The following ASTN2 variants were observed in gnomAD, a reference collection of about 807,000 sequenced individuals.
The protein encoded by ASTN2 is astrotactin-2.
Under a neutral mutation model 139.8 loss-of-function variants are expected in ASTN2, and 54 were observed. The ratio of observed to expected loss-of-function variants is 0.39; its 90% confidence interval spans 0.31 to 0.48. The LOEUF (loss-of-function observed/expected upper bound fraction) is 0.48. ASTN2 is among the 20% of genes least tolerant of loss of function. The probability of loss-of-function intolerance (pLI) is 0.95; values close to 1 mark genes in which losing one functional copy is unlikely to be tolerated. For synonymous variants in ASTN2, 756 were observed against 719.5 expected, an observed-to-expected ratio of 1.05 and a Z score of -0.81; for missense variants, 1,565 against 1,725.1, an observed-to-expected ratio of 0.91 and a Z score of 1.64.
At chr9:116,840,778 T>C (rs2132304073) in intron 11 of ASTN2, among the ~76,000 whole-genome samples, 2 of 143,326 alleles carry the variant, frequency 1.4e-5, no homozygotes, top group East Asian at 4.3e-4. Flanking sequence ...TCTCAGACGA[T>C]GGGCGGCAGG....
chr9:116,944,395 T>G (rs1835323066), intron 10 of ASTN2, among the ~76,000 whole-genome samples: 1 of 151,978 alleles, frequency 6.6e-6, no homozygotes, highest in Admixed American at 6.6e-5. Context: ...TAAAAGCAGA[T>G]GCAGGCCAGG....
At chr9:116,610,610 C>CA (rs919317195) in intron 19 of ASTN2, among the ~76,000 whole-genome samples, 38 of 149,146 alleles carry the variant, frequency 2.5e-4, no homozygotes, top group Non-Finnish European at 5.4e-4. Context: ...CCTCAAAAAA[C>CA]AAAAAAAAAG....
At chr9:117,024,029 T>C (rs144942266) in intron 6 of ASTN2, among the ~76,000 whole-genome samples, 4 of 152,074 alleles carry the variant, frequency 2.6e-5, no homozygotes, top group Non-Finnish European at 5.9e-5. Context: ...GCAGGTCAAC[T>C]AGGGAGAGAG....
chr9:116,714,512 C>A (rs1236541926), intron 16 of ASTN2, among the ~76,000 whole-genome samples: 2 of 152,178 alleles, frequency 1.3e-5, no homozygotes, highest in Non-Finnish European at 1.5e-5. Flanking sequence ...GCAGTAATCA[C>A]TTTACAAACA....
chr9:116,784,654 G>A (rs528935260), intron 13 of ASTN2, among the ~76,000 whole-genome samples: 2 of 152,196 alleles, frequency 1.3e-5, no homozygotes, highest in African/African-American at 4.8e-5. Flanking sequence ...GAGAGGCTGT[G>A]TTGGGGGGCT....
In ASTN2 at chr9:116,698,125, A is replaced by G; in HGVS notation, c.2806+27646T>C. The G allele has an allele frequency of 1.2e-6, 2 of 1,614,122 alleles. No homozygotes were observed. The highest frequency in any genetic ancestry group is 1.7e-6 in the Non-Finnish European group (2 of 1,180,044). On this transcript the variant is annotated intron_variant, in intron 16 of 22. Transcript: ENST00000313400. The surrounding 1 kb of genome is among the most constrained non-coding windows in gnomAD (Gnocchi z 4.4). Reference sequence around the variant, plus strand: ...TGTGAGCCCTGCCGGGAGGCAGACCATCAGCCTCCTGGCCACTGTACACTC... The same window carrying G: ...TGTGAGCCCTGCCGGGAGGCAGACCGTCAGCCTCCTGGCCACTGTACACTC...
chr9:116,825,863 G>C (rs1831609209), intron 11 of ASTN2, among the ~76,000 whole-genome samples: 1 of 152,224 alleles, frequency 6.6e-6, no homozygotes, highest in African/African-American at 2.4e-5. Context: ...AGTAGACACA[G>C]CTGGGCACTA....
At chr9:116,965,083 A>C (rs1835977714) in intron 10 of ASTN2, among the ~76,000 whole-genome samples, 1 of 152,164 alleles carries the variant, frequency 6.6e-6, no homozygotes, top group South Asian at 2.1e-4. Context: ...CTCCTCCAAC[A>C]CTGAAGGTGG....
At chr9:117,058,232 C>T (rs1839123350) in intron 5 of ASTN2, among the ~76,000 whole-genome samples, 1 of 152,030 alleles carries the variant, frequency 6.6e-6, no homozygotes, top group Non-Finnish European at 1.5e-5. Flanking sequence ...TAACCAATTC[C>T]TTATTTGAGA....
chr9:116,722,255 C>A (rs1828493222), intron 16 of ASTN2, among the ~76,000 whole-genome samples: 1 of 118,346 alleles, frequency 8.4e-6, no homozygotes, highest in South Asian at 2.4e-4. Flanking sequence ...CTGACGCACA[C>A]ACAAAAAAAA....
At chr9:116,596,440 C>G (rs1425608032) in intron 19 of ASTN2, among the ~76,000 whole-genome samples, 1 of 151,960 alleles carries the variant, frequency 6.6e-6, no homozygotes, top group Non-Finnish European at 1.5e-5. Context: ...AGTGTTCTTA[C>G]CAAACACACA....
At chr9:116,643,006 C>A (rs1857414185) in intron 17 of ASTN2, among the ~76,000 whole-genome samples, 1 of 152,162 alleles carries the variant, frequency 6.6e-6, no homozygotes, top group African/African-American at 2.4e-5. Context: ...GGTTTGAATT[C>A]TCACCCCACA....
At chr9:116,968,751 T>C (rs145082703) in intron 10 of ASTN2, among the ~76,000 whole-genome samples, 1,695 of 151,516 alleles carry the variant, frequency 0.011, 31 homozygotes, top group African/African-American at 0.03. Flanking sequence ...TTACAACAAT[T>C]AGCCAGGTGT....
At chr9:116,975,412 C>T in intron 9 of ASTN2, 67 bp from the exon 10 acceptor site, 2 of 1,477,676 alleles carry the variant, frequency 1.4e-6, no homozygotes, top group Non-Finnish European at 1.8e-6. Flanking sequence ...AAAAGGGGCC[C>T]CTGTTCCCAT....
In ASTN2 at chr9:116,546,300, T is replaced by A. The variant is rs185308441; in HGVS notation, c.3356-58800A>T. 2.7e-3 allele frequency among the ~76,000 whole-genome samples: 408 copies of A among 152,264 alleles called. 3 individuals carry two copies. Among genetic ancestry groups the A allele is most frequent in the Middle Eastern group, 6.8e-3 (2 of 294 alleles). ...CATTCCTTATGGTTTTCACAGCATTTACACTGCCAGTATCATATTTAACCC... is the reference window on the plus strand; with the variant it reads ...CATTCCTTATGGTTTTCACAGCATTAACACTGCCAGTATCATATTTAACCC... On this transcript the variant is annotated intron_variant, in intron 19 of 22. Transcript: ENST00000313400.
chr9:117,173,990 A>C (rs574595599), intron 3 of ASTN2, among the ~76,000 whole-genome samples: 276 of 149,598 alleles, frequency 1.8e-3, no homozygotes, highest in African/African-American at 6.4e-3. Flanking sequence ...CAAAAAAAAC[A>C]CTAATAAAAT....
intron 1 of ASTN2, among the ~76,000 whole-genome samples, chr9:117,378,090 T>C (rs543963254): frequency 2.8e-4 from 42 of 152,356 alleles, no homozygotes; most frequent in African/African-American, 1.0e-3. Flanking sequence ...ATATGTTAAT[T>C]CTGTAATTTT....
chr9:116,744,683 T>C (rs1250205405), intron 13 of ASTN2, among the ~76,000 whole-genome samples: 6 of 152,154 alleles, frequency 3.9e-5, no homozygotes, highest in African/African-American at 1.2e-4. Context: ...GTCAAGCCCA[T>C]GCTCCTGTGC....
At chr9:116,738,919 C>CGAATA (rs1430513078) in intron 13 of ASTN2, among the ~76,000 whole-genome samples, 6 of 152,132 alleles carry the variant, frequency 3.9e-5, no homozygotes, top group Non-Finnish European at 7.4e-5. Flanking sequence ...TATTCACCAC[C>CGAATA]ACAGTGGAGT....
Sources: allele counts gnomAD v4.1 joint callset (sites outside exome capture counted in the v4.1 genomes callset), GRCh38; gene constraint gnomAD v4.1.1; non-coding constraint Gnocchi (gnomAD v3.1); transcripts MANE v1.5; gene names NCBI Gene and HGNC (gene_info 2026-07-23, HGNC 2026-07-21).